Variants in ATRX observed in about 807,000 individuals in gnomAD.
ATRX encodes ATRX chromatin remodeler, also known as chromatin remodeler ATRX.
In ATRX, 12 loss-of-function variants were observed where a neutral mutation model predicts 172.6. The ratio of observed to expected loss-of-function variants is 0.07; its 90% CI spans 0.04 to 0.11. The LOEUF (loss-of-function observed/expected upper bound fraction) is 0.11, where lower values mean the gene tolerates loss of function less well. Ranked by LOEUF, ATRX falls within the 10% of genes least tolerant of loss-of-function variation. ATRX has a pLI of 1.00. For synonymous variants in ATRX, 674 were observed against 594.7 expected, an observed-to-expected ratio of 1.13 and a Z score of -1.94; for missense variants, 1,368 against 1,767.4, an observed-to-expected ratio of 0.77 and a Z score of 4.05.
chrX:77,765,962 A>C (rs782122115), intron 1 of ATRX, among the ~76,000 whole-genome samples: 1 of 110,202 alleles, frequency 9.1e-6, no homozygotes, highest in East Asian at 2.8e-4. Flanking sequence ...AATCCATTTA[A>C]CCCTGAGTGG....
At chrX:77,783,172 C>T (rs966208914) in intron 1 of ATRX, among the ~76,000 whole-genome samples, 1 of 110,585 alleles carries the variant, frequency 9.0e-6, no homozygotes, top group Non-Finnish European at 1.9e-5. Context: ...GAGGCGGAGG[C>T]GGCAGTAAGC....
At chrX:77,655,247 CT>C (rs782128045) in intron 13 of ATRX, among the ~76,000 whole-genome samples, 37 of 110,399 alleles carry the variant, frequency 3.4e-4, no homozygotes, top group Non-Finnish European at 6.5e-4. Context: ...AAGCCATACA[CT>C]TAAAAATCGT....
intron 2 of ATRX, among the ~76,000 whole-genome samples, chrX:77,704,331 C>T (rs1557155676): frequency 8.9e-6 from 1 of 112,094 alleles, no homozygotes; most frequent in African/African-American, 3.2e-5. Context: ...GTCATCCTGA[C>T]ATCTGTTCAG....
chrX:77,516,710 G>A (rs1210221978), intron 34 of ATRX, among the ~76,000 whole-genome samples: 2 of 111,350 alleles, frequency 1.8e-5, no homozygotes, highest in Admixed American at 1.9e-4. Context: ...AAAAACCAAC[G>A]GACTTATTCT....
At chrX:77,571,460 CACAT>C (rs1474217044) in intron 28 of ATRX, among the ~76,000 whole-genome samples, 1 of 111,442 alleles carries the variant, frequency 9.0e-6, no homozygotes, top group Non-Finnish European at 1.9e-5. Flanking sequence ...CTCAAGAGGT[CACAT>C]ATAGAGAATG....
intron 2 of ATRX, among the ~76,000 whole-genome samples, chrX:77,716,191 G>A (rs1432426000): frequency 1.3e-4 from 11 of 85,128 alleles, no homozygotes; most frequent in Non-Finnish European, 2.2e-4. Context: ...CCCAGCTACC[G>A]GGAGGGTGAG....
chrX:77,602,410 T>A lies in ATRX; in HGVS notation c.5567-1846A>T, dbSNP rs1405126753. Among the ~76,000 whole-genome samples, 5 of 110,190 alleles carry A rather than the reference T, an allele frequency of 4.5e-5. No homozygotes were observed. In the Admixed American group the frequency reaches 4.9e-4, roughly 11 times the overall value. On this transcript the variant is annotated intron_variant, in intron 22 of 34. Coordinates refer to ENST00000373344, the MANE Select transcript of ATRX (RefSeq NM_000489.6). The stretch of plus-strand genomic sequence containing the variant: ...AAGAACCTACCTTTGGTTTCAATGA[T>A]TTTCCCTACTGTTTTTCTGTTCCTC...
chrX:77,552,951 C>T (rs1396379278), intron 30 of ATRX, among the ~76,000 whole-genome samples: 1 of 111,532 alleles, frequency 9.0e-6, no homozygotes, highest in East Asian at 2.8e-4. Flanking sequence ...ACTTAGATAA[C>T]AGCAATTGAA....
chrX:77,599,705 G>A (rs1395358359), intron 24 of ATRX, 27 bp downstream of exon 24: 1 of 1,191,569 alleles, frequency 8.4e-7, no homozygotes, highest in Non-Finnish European at 1.1e-6. Context: ...GTCAATACAG[G>A]ATGGCACGAA....
chrX:77,580,898 A>C (rs1237942948), intron 27 of ATRX, among the ~76,000 whole-genome samples: 2 of 112,340 alleles, frequency 1.8e-5, no homozygotes, highest in Middle Eastern at 4.6e-3. Context: ...AACAACAAAA[A>C]GCTAAAAAGT....
chrX:77,580,977 C>T (rs1163459131), intron 27 of ATRX, among the ~76,000 whole-genome samples: 1 of 111,687 alleles, frequency 9.0e-6, no homozygotes, highest in African/African-American at 3.2e-5. Context: ...TTTATAAAAA[C>T]AGTGTAAAGT....
Position 77,593,615 on chromosome X carries a change from G to A in ATRX, c.6110+81C>T, listed in dbSNP as rs45612438. The A allele has an allele frequency of 0.036, 36,937 of 1,017,969 alleles. 615 individuals are homozygous for A. The highest frequency in any genetic ancestry group is 0.044 in the Non-Finnish European group (32,395 of 733,156). 83.9% of individuals were successfully genotyped at this position (1,017,969 alleles called of 1,213,427 possible). A position where few individuals can be genotyped will look rare whatever the true frequency, so the allele number is the denominator to read the frequency against. On this transcript the variant is annotated intron_variant, in intron 26 of 34. Coordinates refer to ENST00000373344, the MANE Select transcript of ATRX (RefSeq NM_000489.6). ...CTTTAGGAAGGAAGGAAAAGCAACAGATTTGTTCAAATACATTGTTTAAGC... is the reference window on the plus strand; with the variant it reads ...CTTTAGGAAGGAAGGAAAAGCAACAAATTTGTTCAAATACATTGTTTAAGC...
intron 15 of ATRX, among the ~76,000 whole-genome samples, chrX:77,648,575 T>C (rs2069034025): frequency 1.0e-5 from 1 of 98,872 alleles, no homozygotes; most frequent in Non-Finnish European, 2.0e-5. Flanking sequence ...ATCAATGAAA[T>C]AGAAAAGGGT....
chrX:77,677,316 A>G (rs1345679790), intron 9 of ATRX, among the ~76,000 whole-genome samples: 2 of 111,576 alleles, frequency 1.8e-5, no homozygotes, highest in African/African-American at 6.5e-5. Flanking sequence ...AAAAAAGCCA[A>G]TCTCAAAAGG....
chrX:77,674,941 A>C (rs2070791591), intron 10 of ATRX: 1 of 111,639 alleles, frequency 9.0e-6, no homozygotes, highest in African/African-American at 3.2e-5. Context: ...GGCAAGCAGA[A>C]TCTGAATATT....
At chrX:77,521,203 C>T (rs1275088137) in intron 33 of ATRX, 200 bp downstream of exon 33, 34 of 437,599 alleles carry the variant, frequency 7.8e-5, no homozygotes, top group Non-Finnish European at 1.1e-4. Context: ...TCAATTCTTA[C>T]ATTTTACCCA....
At chrX:77,552,746 T>C (rs1557057008) in intron 30 of ATRX, among the ~76,000 whole-genome samples, 1 of 110,522 alleles carries the variant, frequency 9.0e-6, no homozygotes, top group Admixed American at 9.7e-5. Flanking sequence ...AGGTATTAAA[T>C]CAAATTAGAA....
chrX:77,615,845 C>T lies in ATRX; in HGVS notation c.5566+768G>A, dbSNP rs1557096503. 3 of 460,570 alleles carry T rather than the reference C, an allele frequency of 6.5e-6. No individual in the cohort carries two copies. The African/African-American group carries it at 8.2e-5, about 13-fold the overall frequency. The allele number at this position is 460,570 out of a possible 1,213,427, so 38.0% of individuals were successfully genotyped here. A position where few individuals can be genotyped will look rare whatever the true frequency, so the allele number is the denominator to read the frequency against. On this transcript the variant is annotated intron_variant, in intron 22 of 34. Transcript: ENST00000373344. ...TTTTTTTTTGATCAATTACTGTATTCACAATTGGCCAAAGAGCACCCTCTA... is the reference window on the plus strand; with the variant it reads ...TTTTTTTTTGATCAATTACTGTATTTACAATTGGCCAAAGAGCACCCTCTA...
intron 2 of ATRX, among the ~76,000 whole-genome samples, chrX:77,710,277 T>C (rs1394419232): frequency 9.7e-6 from 1 of 102,603 alleles, no homozygotes; most frequent in Non-Finnish European, 2.0e-5. Flanking sequence ...CTAGCCTGGG[T>C]GACAAAACAA....
Sources: gnomAD v4.1 joint callset for allele counts (sites outside exome capture counted in the v4.1 genomes callset) on GRCh38, gnomAD v4.1.1 for gene constraint, MANE v1.5 for transcripts, NCBI Gene and HGNC (gene_info 2026-07-23, HGNC 2026-07-21) for gene names.